DPYSL2: variants seen among roughly 807,000 people sequenced by gnomAD.
The protein encoded by DPYSL2 is dihydropyrimidinase like 2.
In DPYSL2, 13 loss-of-function variants were observed where a neutral mutation model predicts 69.9. The observed-to-expected ratio is 0.19, with a 90% CI of 0.12 to 0.30. The LOEUF is 0.30. DPYSL2 is among the 10% of genes least tolerant of loss of function. The pLI is 1.00. For synonymous variants in DPYSL2, 326 were observed against 359.1 expected (o/e 0.91, Z 1.04); for missense variants, 587 against 918.9 (o/e 0.64, Z 4.67).
At chr8:26,634,522 T>C (rs1802855710) in intron 7 of DPYSL2, among the ~76,000 whole-genome samples, 1 of 147,522 alleles carries the variant, frequency 6.8e-6, no homozygotes, top group Non-Finnish European at 1.5e-5. Flanking sequence ...TCTCAGGTAA[T>C]CCACCTGCCT....
rs1450924729 is a variant in DPYSL2 at position 26,650,463 on chromosome 8, A to C, written c.1597-1794A>C. Among the ~76,000 whole-genome samples, 2 of 152,176 alleles carry C rather than the reference A, an allele frequency of 1.3e-5. No homozygotes were observed. Among genetic ancestry groups the C allele is most frequent in the Non-Finnish European group, 2.9e-5 (2 of 68,022 alleles). ...GTTGTTTCTGAGATGACCAGGGATG[A>C]GGCTTTTTGTATTGTCATCTTCACA... is the stretch of plus-strand genomic sequence containing the variant. On this transcript the variant is annotated intron_variant, in intron 11 of 13. Coordinates refer to ENST00000521913, the MANE Select transcript of DPYSL2 (RefSeq NM_001197293.3). The surrounding 1 kb of genome is among the most constrained non-coding windows in gnomAD (Gnocchi z 5.3).
intron 1 of DPYSL2, among the ~76,000 whole-genome samples, chr8:26,546,168 A>T (rs1800764180): frequency 6.6e-6 from 1 of 152,196 alleles, no homozygotes; most frequent in Non-Finnish European, 1.5e-5. Context: ...GATTTTGTTC[A>T]TCAAAAAAAT....
chr8:26,622,596 G>A lies in DPYSL2; in HGVS notation c.629-1547G>A, dbSNP rs538183998. ...TGGCTCACTGCAACTTCTGCCTCCCGGGCTCAAGCAATTCTCCTGCCTCAG... is the reference window on the plus strand; with the variant it reads ...TGGCTCACTGCAACTTCTGCCTCCCAGGCTCAAGCAATTCTCCTGCCTCAG... On this transcript the variant is annotated intron_variant, in intron 3 of 13. Transcript: ENST00000521913. Among the ~76,000 whole-genome samples, 81 of 151,886 alleles carry A rather than the reference G, an allele frequency of 5.3e-4. 1 individual carries two copies. Among genetic ancestry groups the A allele is most frequent in the Middle Eastern group, 3.4e-3 (1 of 292 alleles).
intron 3 of DPYSL2, among the ~76,000 whole-genome samples, chr8:26,599,039 G>T (rs527875538): frequency 6.6e-6 from 1 of 152,254 alleles, no homozygotes; most frequent in Admixed American, 6.5e-5. Context: ...GAGAAGGCCT[G>T]TTGTCCATCT....
rs1043944438 is a variant in DPYSL2, at chr8:26,559,072, A to T, written c.355-22897A>T. ...ATTCTCTGGCCTCAGCCTCTTGAGT[A>T]ACTGGGACTACAAGCGCACGCCACC... On this transcript the variant is annotated intron_variant, in intron 1 of 13. Transcript: ENST00000521913. Among the ~76,000 whole-genome samples, 10 of 152,176 alleles carry T rather than the reference A, an allele frequency of 6.6e-5. No homozygotes were observed. In the East Asian group the frequency reaches 1.9e-3, roughly 29 times the overall value.
At chr8:26,628,426 T>C (rs1299049663) in intron 7 of DPYSL2, among the ~76,000 whole-genome samples, 1 of 152,188 alleles carries the variant, frequency 6.6e-6, no homozygotes, top group African/African-American at 2.4e-5. Context: ...TTTAAAATTA[T>C]GGAGGGAAGA....
intron 8 of DPYSL2, among the ~76,000 whole-genome samples, chr8:26,636,862 T>C (rs1802930996): frequency 6.6e-6 from 1 of 152,142 alleles, no homozygotes; most frequent in Non-Finnish European, 1.5e-5. Context: ...CGCCTCAGCC[T>C]CCTTAGTTGC....
chr8:26,542,419 TA>T (rs377513784), intron 1 of DPYSL2, among the ~76,000 whole-genome samples: 3 of 151,660 alleles, frequency 2.0e-5, no homozygotes, highest in East Asian at 3.9e-4. Context: ...ATTCCCATAT[TA>T]AAAAAATTTT....
Position 26,562,370 on chromosome 8 carries a change from TA to T in DPYSL2, c.355-19598del, listed in dbSNP as rs1424274098. 1.3e-5 allele frequency among the ~76,000 whole-genome samples: 2 copies of T among 152,196 alleles called. No individual in the cohort carries two copies. The highest frequency in any genetic ancestry group is 4.8e-5 in the African/African-American group (2 of 41,450). Reference sequence around the variant, plus strand: ...TAATTGCTGCAAAAGTGGTAGCTGTTATTATTGCCTCCAACATAAATGACAC... The same window carrying T: ...TAATTGCTGCAAAAGTGGTAGCTGTTTTATTGCCTCCAACATAAATGACAC... On this transcript the variant is annotated intron_variant, in intron 1 of 13. Coordinates refer to ENST00000521913, the MANE Select transcript of DPYSL2 (RefSeq NM_001197293.3). This position sits in a 1 kb window ranked among gnomAD's most constrained non-coding sequence, Gnocchi z 4.9.
rs1370427891 is a variant in DPYSL2, at chr8:26,654,121, C to G, written c.1942+724C>G. ...GGCTCAGCTCTGGCTGTGCTTCAGTCTCCTCACCTGTATAATGGCAATAAT... is the reference window on the plus strand; with the variant it reads ...GGCTCAGCTCTGGCTGTGCTTCAGTGTCCTCACCTGTATAATGGCAATAAT... On this transcript the variant is annotated intron_variant, in intron 13 of 13. Coordinates refer to ENST00000521913, the MANE Select transcript of DPYSL2 (RefSeq NM_001197293.3). This position sits in a 1 kb window ranked among gnomAD's most constrained non-coding sequence, Gnocchi z 5.0. 6.6e-6 allele frequency among the ~76,000 whole-genome samples: 1 copy of G among 152,180 alleles called. No individual in the cohort carries two copies. Among genetic ancestry groups the G allele is most frequent in the Non-Finnish European group, 1.5e-5 (1 of 68,036 alleles).
In DPYSL2 at chr8:26,522,308, A is replaced by AAAACAAAC. The variant is rs60448291; in HGVS notation, c.354+7653_354+7660dup. On this transcript the variant is annotated intron_variant, in intron 1 of 13. Transcript: ENST00000521913. ...GGGCAACCGAGTGAGACTCTGTCTC[A>AAAACAAAC]AAACAAACAAACAAACAAACAAACA... Among the ~76,000 whole-genome samples, 777 of 151,320 alleles carry AAAACAAAC rather than the reference A, an allele frequency of 5.1e-3. 7 individuals are homozygous for AAAACAAAC. The highest frequency in any genetic ancestry group is 0.014 in the African/African-American group (562 of 41,156).
At chr8:26,584,207 GT>G (rs1208836731) in intron 3 of DPYSL2, among the ~76,000 whole-genome samples, 1 of 152,184 alleles carries the variant, frequency 6.6e-6, no homozygotes, top group Non-Finnish European at 1.5e-5. Context: ...GTTCTAAGGA[GT>G]TTGGTAAGAT....
In DPYSL2 at chr8:26,514,559, G is replaced by A; in HGVS notation, c.234G>A (p.Pro78=). 13 of 1,526,190 alleles carry A rather than the reference G, an allele frequency of 8.5e-6. No homozygotes were observed. The South Asian group carries it at 1.5e-4, about 17-fold the overall frequency. The allele number at this position is 1,526,190 out of a possible 1,614,324, so 94.5% of individuals were successfully genotyped here. A position where few individuals can be genotyped will look rare whatever the true frequency, so the allele number is the denominator to read the frequency against. ...QRDVAHLGPD[P]QPPYSRQGRR... ...ACGTCGCCCACTTGGGCCCGGACCC[G>A]CAGCCGCCGTACTCGCGGCAGGGCC... The change falls in exon 1 of 14, where the codon CCG becomes CCA. Residue 78 remains proline (P), a synonymous_variant. Coordinates refer to ENST00000521913, the MANE Select transcript of DPYSL2 (RefSeq NM_001197293.3). This position sits in a 1 kb window ranked among gnomAD's most constrained non-coding sequence, Gnocchi z 8.4.
rs1003547098 is a variant in DPYSL2, at chr8:26,624,065, G to T, written c.629-78G>T. ...TTGAACCCAAGAAGCCTTATTCAGGGTTCAAGTGGGAAAATACCTGCTGGC... is the reference window on the plus strand; with the variant it reads ...TTGAACCCAAGAAGCCTTATTCAGGTTTCAAGTGGGAAAATACCTGCTGGC... On this transcript the variant is annotated intron_variant, in intron 3 of 13. Transcript: ENST00000521913. The surrounding 1 kb of genome is among the most constrained non-coding windows in gnomAD (Gnocchi z 4.7). 6.6e-6 allele frequency: 10 copies of T among 1,525,864 alleles called. No homozygotes were observed. Among genetic ancestry groups the T allele is most frequent in the South Asian group, 2.4e-5 (2 of 82,744 alleles). The allele number at this position is 1,525,864 out of a possible 1,614,324, so 94.5% of individuals were successfully genotyped here. A position where few individuals can be genotyped will look rare whatever the true frequency, so the allele number is the denominator to read the frequency against.
chr8:26,629,482 C>T (rs550144210), intron 7 of DPYSL2, among the ~76,000 whole-genome samples: 9 of 152,334 alleles, frequency 5.9e-5, no homozygotes, highest in African/African-American at 1.4e-4. Context: ...GAATGGAAGC[C>T]GTGACATTTT....
rs1035473603 is a variant in DPYSL2, at chr8:26,587,155, C to T, written c.628+3172C>T. Among the ~76,000 whole-genome samples the T allele has an allele frequency of 6.6e-6, 1 of 152,170 alleles. No individual in the cohort carries two copies. Among genetic ancestry groups the T allele is most frequent in the Non-Finnish European group, 1.5e-5 (1 of 68,032 alleles). ...GAGTGAGTGGCTGGGATTTGCTTTACAGAGAAGGAGGCCTTGCAAAGAGAA... is the reference window on the plus strand; with the variant it reads ...GAGTGAGTGGCTGGGATTTGCTTTATAGAGAAGGAGGCCTTGCAAAGAGAA... On this transcript the variant is annotated intron_variant, in intron 3 of 13. Coordinates refer to ENST00000521913, the MANE Select transcript of DPYSL2 (RefSeq NM_001197293.3). This position sits in a 1 kb window ranked among gnomAD's most constrained non-coding sequence, Gnocchi z 4.2.
chr8:26,536,953 T>C (rs1348255337), intron 1 of DPYSL2, among the ~76,000 whole-genome samples: 1 of 152,298 alleles, frequency 6.6e-6, no homozygotes, highest in Non-Finnish European at 1.5e-5. Context: ...GGACTCTATT[T>C]GGGAATAGGT....
chr8:26,530,061 G>A (rs1459769816), intron 1 of DPYSL2, among the ~76,000 whole-genome samples: 1 of 133,578 alleles, frequency 7.5e-6, no homozygotes, highest in Non-Finnish European at 1.5e-5. Context: ...GCAGTGAGCC[G>A]AGATCGTGCC....
chr8:26,582,114 A>G lies in DPYSL2; in HGVS notation c.443+57A>G, dbSNP rs1585523442. ...TGAACACTTTCCAGACTTCCCAAGT[A>G]TTAGATACCATTCGCATCCAAAGTA... On this transcript the variant is annotated intron_variant, in intron 2 of 13. Transcript: ENST00000521913. The surrounding 1 kb of genome is among the most constrained non-coding windows in gnomAD (Gnocchi z 4.1). 1 of 1,372,646 alleles carries G rather than the reference A, an allele frequency of 7.3e-7. No homozygotes were observed. Among genetic ancestry groups the G allele is most frequent in the Non-Finnish European group, 1.0e-6 (1 of 967,864 alleles). The allele number at this position is 1,372,646 out of a possible 1,614,324, so 85.0% of individuals were successfully genotyped here. A position where few individuals can be genotyped will look rare whatever the true frequency, so the allele number is the denominator to read the frequency against.
Sources: allele counts gnomAD v4.1 joint callset (sites outside exome capture counted in the v4.1 genomes callset), GRCh38; gene constraint gnomAD v4.1.1; non-coding constraint Gnocchi (gnomAD v3.1); transcripts MANE v1.5; gene names NCBI Gene and HGNC (gene_info 2026-07-23, HGNC 2026-07-21).